Variants in PIKFYVE observed in about 807,000 individuals in gnomAD.
PIKFYVE encodes 1-phosphatidylinositol 3-phosphate 5-kinase.
In PIKFYVE, 122 loss-of-function variants were observed where a neutral mutation model predicts 257.9. That is an observed-to-expected ratio of 0.47 (90% CI 0.41 to 0.55). The LOEUF is 0.55. Ranked by LOEUF, PIKFYVE falls within the 20% of genes least tolerant of loss-of-function variation. PIKFYVE has a pLI of 0.00. For missense variants in PIKFYVE, 2,160 were observed against 2,536.6 expected (o/e 0.85, Z 3.19); for synonymous variants, 892 against 868.9 (o/e 1.03, Z -0.47).
chr2:208,344,911 T>A (rs1002156717), intron 32 of PIKFYVE, among the ~76,000 whole-genome samples, 200 bp from the exon 33 acceptor site: 1 of 152,130 alleles, frequency 6.6e-6, no homozygotes, highest in African/African-American at 2.4e-5. Flanking sequence ...TGGGTCATAT[T>A]TTGTATTACC....
chr2:208,278,408 T>C (rs1690381537), intron 5 of PIKFYVE, among the ~76,000 whole-genome samples: 1 of 152,168 alleles, frequency 6.6e-6, no homozygotes, highest in African/African-American at 2.4e-5. Context: ...ATTTCTTTTT[T>C]TTTTTGGTAA....
rs1474194644 is a variant in PIKFYVE at position 208,301,108 on chromosome 2, A to G, written c.1208+14A>G. 6.2e-7 allele frequency: 1 copy of G among 1,613,144 alleles called. No homozygotes were observed. Among genetic ancestry groups the G allele is most frequent in the Non-Finnish European group, 8.5e-7 (1 of 1,179,076 alleles). On this transcript the variant is annotated intron_variant, in intron 9 of 41. Transcript: ENST00000264380. ...TATTGCCACAAGGTATTCTGATCTT[A>G]GAAGGTTTCAATATTATTTGTTTAT...
At chr2:208,317,986 G>T (rs749395343) in intron 16 of PIKFYVE, 45 bp downstream of exon 16, 1 of 1,555,940 alleles carries the variant, frequency 6.4e-7, no homozygotes, top group South Asian at 1.1e-5. Flanking sequence ...AACCATGGCT[G>T]TGTGCTTAGG....
At chr2:208,277,057 C>G (rs975649590) in intron 4 of PIKFYVE, among the ~76,000 whole-genome samples, 1 of 152,118 alleles carries the variant, frequency 6.6e-6, no homozygotes. Context: ...AAGTGTTTAT[C>G]TAGTTCAGGG....
rs113794138 is a variant in PIKFYVE at position 208,272,585 on chromosome 2, A to T, written c.172+894A>T. Among the ~76,000 whole-genome samples the T allele has an allele frequency of 5.1e-3, 775 of 152,298 alleles. 8 individuals are homozygous for T. Among genetic ancestry groups the T allele is most frequent in the African/African-American group, 0.017 (726 of 41,570 alleles). ...ATGTCTTTTACTTGGGACAAGAATTAAAAAACATGGCCTATATCTTTTGTC... is the reference window on the plus strand; with the variant it reads ...ATGTCTTTTACTTGGGACAAGAATTTAAAAACATGGCCTATATCTTTTGTC... On this transcript the variant is annotated intron_variant, in intron 2 of 41. Transcript: ENST00000264380.
rs1020545700 is a variant in PIKFYVE at position 208,328,353 on chromosome 2, A to T, written c.3719+73A>T. The T allele has an allele frequency of 5.7e-6, 9 of 1,585,244 alleles. No individual in the cohort carries two copies. The East Asian group carries it at 2.0e-4, about 36-fold the overall frequency. ...AGCAATTAAAAAAAAACAAAAACAAAAAAACAGTCATTAGGACCTGTATTT... is the reference window on the plus strand; with the variant it reads ...AGCAATTAAAAAAAAACAAAAACAATAAAACAGTCATTAGGACCTGTATTT... On this transcript the variant is annotated intron_variant, in intron 21 of 41. Coordinates refer to ENST00000264380, the MANE Select transcript of PIKFYVE (RefSeq NM_015040.4).
At chr2:208,353,292 T>C (rs539874428) in intron 39 of PIKFYVE, among the ~76,000 whole-genome samples, 5 of 152,340 alleles carry the variant, frequency 3.3e-5, no homozygotes, top group Admixed American at 3.3e-4. Flanking sequence ...ACAATATACT[T>C]AATAATGTAA....
intron 7 of PIKFYVE, among the ~76,000 whole-genome samples, chr2:208,298,275 C>T (rs1693236907): frequency 6.6e-6 from 1 of 152,142 alleles, no homozygotes; most frequent in Non-Finnish European, 1.5e-5. Flanking sequence ...TAACTTACAG[C>T]ATTTTAACAA....
intron 5 of PIKFYVE, among the ~76,000 whole-genome samples, chr2:208,279,182 T>C (rs993051565): frequency 5.3e-5 from 8 of 152,238 alleles, no homozygotes; most frequent in Non-Finnish European, 1.0e-4. Flanking sequence ...TTCATGTTTG[T>C]TGGCCACTTG....
rs1017899940 is a variant in PIKFYVE at position 208,325,224 on chromosome 2, A to T, written c.2459-46A>T. ...GAATTAATTCTATTTGTACTTCTGG[A>T]TTGCCACCTCCACCATCTTAACTTT... On this transcript the variant is annotated intron_variant, in intron 19 of 41. Transcript: ENST00000264380. 3.2e-6 allele frequency: 5 copies of T among 1,586,450 alleles called. No individual in the cohort carries two copies. In the Admixed American group the frequency reaches 8.5e-5, roughly 27 times the overall value.
At chr2:208,305,346 C>A (rs1045537620) in intron 12 of PIKFYVE, 6 of 1,165,794 alleles carry the variant, frequency 5.1e-6, no homozygotes, top group African/African-American at 1.6e-5. Context: ...CTGCTCTATT[C>A]TTTTCTCTTT....
In PIKFYVE at chr2:208,326,289, G is replaced by A; in HGVS notation, c.3478G>A (p.Gly1160Arg). Residue 1160 changes from glycine (G) to arginine (R), a missense_variant, in exon 20 of 42, where the codon GGA becomes AGA. Gly to Arg is a moderately radical substitution (Grantham distance 125). Transcript: ENST00000264380. ...GCTGGCCGATTATCGAGCCAGAGGA[G>A]GAAGAATTCAGCCCAAAAATTCAGA... ...RMLADYRARGGRIQPKNSDPF... is the reference protein window; with the variant it reads ...RMLADYRARGRRIQPKNSDPF... 6.2e-7 allele frequency: 1 copy of A among 1,600,420 alleles called. No homozygotes were observed. Among genetic ancestry groups the A allele is most frequent in the Non-Finnish European group, 8.5e-7 (1 of 1,172,916 alleles).
chr2:208,278,967 T>C (rs1690458830), intron 5 of PIKFYVE, among the ~76,000 whole-genome samples: 1 of 152,204 alleles, frequency 6.6e-6, no homozygotes, highest in Admixed American at 6.5e-5. Context: ...TTTTAAGCTC[T>C]TTGAGAAATC....
chr2:208,333,241 AAAAAG>A, intron 23 of PIKFYVE, 69 bp from the exon 24 acceptor site: 1 of 1,528,270 alleles, frequency 6.5e-7, no homozygotes, highest in East Asian at 2.3e-5. Flanking sequence ...CTCAAAAAAA[AAAAAG>A]AAAATGTTAT....
At chr2:208,349,000 T>C (rs1033056974) in intron 35 of PIKFYVE, among the ~76,000 whole-genome samples, 4 of 151,928 alleles carry the variant, frequency 2.6e-5, no homozygotes, top group African/African-American at 9.7e-5. Flanking sequence ...CCATCTCTAC[T>C]GAAAATAAAA....
intron 13 of PIKFYVE, 82 bp downstream of exon 13, chr2:208,312,377 A>C: frequency 9.4e-7 from 1 of 1,064,348 alleles, no homozygotes; most frequent in Non-Finnish European, 1.4e-6. Context: ...ATTGATTAGC[A>C]CAGAGAAGGT....
In PIKFYVE at chr2:208,276,742, G is replaced by A; in HGVS notation, c.353G>A (p.Gly118Glu). Residue 118 changes from glycine to glutamate, a missense_variant, in exon 4 of 42, where the codon GGA becomes GAA. Physicochemically the swap from Gly to Glu is moderately conservative, Grantham distance 98. Around this residue, in one of 12 missense-constraint regions of PIKFYVE, gnomAD observed 172 missense variants for 180.6 expected, o/e 0.95. Coordinates refer to ENST00000264380, the MANE Select transcript of PIKFYVE (RefSeq NM_015040.4). Reference protein sequence around the residue: ...DTRRKAEPTFGGHDPRTAVQL... With the variant: ...DTRRKAEPTFEGHDPRTAVQL... Reference sequence around the variant, plus strand: ...AGAAGGAAAGCAGAACCTACCTTTGGAGGTCATGACCCTCGTACAGCTGTT... The same window carrying A: ...AGAAGGAAAGCAGAACCTACCTTTGAAGGTCATGACCCTCGTACAGCTGTT... 1 of 1,613,550 alleles carries A rather than the reference G, an allele frequency of 6.2e-7. No homozygotes were observed. The highest frequency in any genetic ancestry group is 8.5e-7 in the Non-Finnish European group (1 of 1,179,640).
intron 5 of PIKFYVE, among the ~76,000 whole-genome samples, chr2:208,278,115 CA>C (rs2125066489): frequency 6.6e-6 from 1 of 152,222 alleles, no homozygotes; most frequent in African/African-American, 2.4e-5. Context: ...GGAACATAGT[CA>C]AATTTCAGCA....
At chr2:208,274,000 T>G (rs1435240369) in intron 3 of PIKFYVE, 1 of 1,609,948 alleles carries the variant, frequency 6.2e-7, no homozygotes, top group African/African-American at 1.3e-5. Flanking sequence ...TTTGATTAAT[T>G]ACTTGCTTGG....
Sources: gnomAD v4.1 joint callset for allele counts (sites outside exome capture counted in the v4.1 genomes callset) on GRCh38, gnomAD v4.1.1 for gene constraint, gnomAD v4.1.1 regional missense constraint, MANE v1.5 for transcripts, NCBI Gene and HGNC (gene_info 2026-07-23, HGNC 2026-07-21) for gene names.